GGA2: variants seen among roughly 807,000 people sequenced by gnomAD.
GGA2 encodes the protein ADP-ribosylation factor-binding protein GGA2.
Under a neutral mutation model 79.5 loss-of-function variants are expected in GGA2, and 48 were observed. That is an observed-to-expected ratio of 0.60 (90% CI 0.48 to 0.77). The LOEUF is 0.77. Ranked by LOEUF, GGA2 falls within the 30% of genes least tolerant of loss-of-function variation. The probability of loss-of-function intolerance (pLI) is 0.00; values close to 1 mark genes in which losing one functional copy is unlikely to be tolerated. For synonymous variants in GGA2, 317 were observed against 302.0 expected, an observed-to-expected ratio of 1.05 and a Z score of -0.51; for missense variants, 770 against 774.0, an observed-to-expected ratio of 0.99 and a Z score of 0.06.
At chr16:23,504,779 G>A (rs1964956445) in intron 1 of GGA2, among the ~76,000 whole-genome samples, 1 of 152,216 alleles carries the variant, frequency 6.6e-6, no homozygotes, top group Non-Finnish European at 1.5e-5. Flanking sequence ...TTTATAGCTG[G>A]CACTTGAGCA....
chr16:23,488,868 T>C (rs1964748104), intron 5 of GGA2, among the ~76,000 whole-genome samples, 159 bp from the exon 6 acceptor site: 1 of 152,182 alleles, frequency 6.6e-6, no homozygotes. Flanking sequence ...AACGAAGTTT[T>C]GCATCATCTC....
intron 2 of GGA2, among the ~76,000 whole-genome samples, chr16:23,517,700 C>T (rs1008428384): frequency 1.3e-5 from 2 of 152,120 alleles, no homozygotes; most frequent in South Asian, 2.1e-4. Flanking sequence ...TTCCAACACC[C>T]ATCTACCTGG....
chr16:23,514,764 T>A (rs141620651), upstream of GGA2, among the ~76,000 whole-genome samples: 282 of 152,152 alleles, frequency 1.9e-3, 4 homozygotes, highest in East Asian at 2.9e-3. Flanking sequence ...GTTATAGGAG[T>A]GTTGGCCATG....
chr16:23,502,538 C>G (rs1452953768), intron 1 of GGA2, among the ~76,000 whole-genome samples: 1 of 152,198 alleles, frequency 6.6e-6, no homozygotes, highest in African/African-American at 2.4e-5. Flanking sequence ...TCAACAAAAG[C>G]CTCTTAATAA....
intron 8 of GGA2, among the ~76,000 whole-genome samples, chr16:23,483,759 T>C (rs1964678503): frequency 6.6e-6 from 1 of 151,952 alleles, no homozygotes; most frequent in Non-Finnish European, 1.5e-5. Flanking sequence ...TGATTCTTCC[T>C]GCCTCAGCCT....
chr16:23,523,676 CCCT>C (rs1965177061), upstream of GGA2: 2 of 152,194 alleles, frequency 1.3e-5, no homozygotes, highest in Admixed American at 6.6e-5. Flanking sequence ...AATTCTGTCC[CCCT>C]AAATTCTTAC....
chr16:23,494,462 T>G, intron 2 of GGA2, 84 bp from the exon 3 acceptor site: 1 of 906,558 alleles, frequency 1.1e-6, no homozygotes, highest in Non-Finnish European at 1.9e-6. Context: ...TAAAATCACT[T>G]TTCTTCCAGG....
chr16:23,515,232 G>C (rs1965096518), upstream of GGA2, among the ~76,000 whole-genome samples: 1 of 151,730 alleles, frequency 6.6e-6, no homozygotes, highest in South Asian at 2.1e-4. Context: ...GCTCAGATAG[G>C]AAGATTGCTT....
chr16:23,502,499 T>C (rs1169116306), intron 1 of GGA2, among the ~76,000 whole-genome samples: 1 of 152,244 alleles, frequency 6.6e-6, no homozygotes. Flanking sequence ...CTAATCTTGC[T>C]GTGGTGCATT....
chr16:23,513,716 C>T (rs577679013), upstream of GGA2, among the ~76,000 whole-genome samples: 47 of 134,894 alleles, frequency 3.5e-4, no homozygotes, highest in African/African-American at 1.3e-3. Context: ...GCCTGGGAGG[C>T]GGAGGTTGCA....
intron 1 of GGA2, 90 bp downstream of exon 1, chr16:23,510,231 C>T: frequency 1.2e-6 from 1 of 827,886 alleles, no homozygotes; most frequent in Non-Finnish European, 1.7e-6. Context: ...CCCCTGCGGC[C>T]GCCCGCCCCG....
At chr16:23,496,794 T>C (rs1964861773) in intron 1 of GGA2, among the ~76,000 whole-genome samples, 1 of 151,990 alleles carries the variant, frequency 6.6e-6, no homozygotes, top group African/African-American at 2.4e-5. Context: ...CTGTGTCTAC[T>C]AAAAATACAA....
chr16:23,513,030 A>C (rs927935193), upstream of GGA2, among the ~76,000 whole-genome samples: 1 of 152,110 alleles, frequency 6.6e-6, no homozygotes, highest in Non-Finnish European at 1.5e-5. Flanking sequence ...ATACATATTT[A>C]TCTCTTGAAG....
At chr16:23,508,652 C>T (rs528785666) in intron 1 of GGA2, among the ~76,000 whole-genome samples, 4 of 152,126 alleles carry the variant, frequency 2.6e-5, no homozygotes, top group Admixed American at 2.0e-4. Context: ...TGCTGGGGCT[C>T]CCCACGCTCT....
intron 1 of GGA2, chr16:23,500,886 G>A (rs113363045): frequency 0.023 from 4,329 of 187,544 alleles, 84 homozygotes; most frequent in African/African-American, 0.058. Context: ...AATATCAAAT[G>A]AGTGTGCAAG....
upstream of GGA2, chr16:23,522,050 CT>C (rs1242796468): frequency 3.1e-6 from 1 of 325,766 alleles, no homozygotes; most frequent in African/African-American, 2.2e-5. Flanking sequence ...AGATGATGGA[CT>C]AAGGCATTTA....
intron 13 of GGA2, 107 bp from the exon 14 acceptor site, chr16:23,475,168 A>C: frequency 1.7e-5 from 10 of 598,600 alleles, no homozygotes; most frequent in Non-Finnish European, 2.7e-5. Flanking sequence ...ACACACACAC[A>C]CAGAGTTAGA....
At chr16:23,488,562 A>C (rs1964743826) in intron 6 of GGA2, 44 bp downstream of exon 6, 2 of 1,137,944 alleles carry the variant, frequency 1.8e-6, no homozygotes, top group African/African-American at 1.5e-5. Flanking sequence ...ACAGTGCCTA[A>C]GAGAAAAGGT....
Position 23,475,073 on chromosome 16 carries a change from T to G in GGA2, c.1293-12A>C. On this transcript the variant is annotated splice_polypyrimidine_tract_variant and intron_variant, in intron 13 of 16. Transcript: ENST00000309859. Reference sequence around the variant, plus strand: ...GCGAAACATAATTCCTACAAAGAAATAAAAAATATCAAAGACTAGCAAAAA... The same window carrying G: ...GCGAAACATAATTCCTACAAAGAAAGAAAAAATATCAAAGACTAGCAAAAA... The G allele has an allele frequency of 1.3e-6, 2 of 1,539,812 alleles. No individual in the cohort carries two copies. The highest frequency in any genetic ancestry group is 4.6e-5 in the East Asian group (2 of 43,636).
Sources: gnomAD v4.1 joint callset for allele counts (sites outside exome capture counted in the v4.1 genomes callset) on GRCh38, gnomAD v4.1.1 for gene constraint, MANE v1.5 for transcripts, NCBI Gene and HGNC (gene_info 2026-07-23, HGNC 2026-07-21) for gene names.